Variants in DRC7 observed in about 807,000 individuals in gnomAD.
DRC7 encodes the protein coiled-coil domain containing 135.
DRC7 carries 80 observed loss-of-function variants against 104.4 expected under a neutral mutation model. That is an observed-to-expected ratio of 0.77 (90% CI 0.64 to 0.92). DRC7 has a LOEUF of 0.92. DRC7 is among the 40% of genes least tolerant of loss of function. The pLI is 0.00. For missense variants in DRC7, 1,034 were observed against 1,141.1 expected (o/e 0.91, Z 1.35); for synonymous variants, 405 against 447.3 (o/e 0.91, Z 1.19).
chr16:57,696,031 T>C (rs77786072), intron 1 of DRC7, among the ~76,000 whole-genome samples: 2,285 of 152,318 alleles, frequency 0.015, 55 homozygotes, highest in African/African-American at 0.051. Context: ...GGATTCTGCT[T>C]TTTTTCCTTA....
chr16:57,709,128 CAAAAA>C (rs10536559), intron 8 of DRC7, among the ~76,000 whole-genome samples: 7 of 107,624 alleles, frequency 6.5e-5, no homozygotes, highest in Admixed American at 9.6e-5. Context: ...GACTCTGTCT[CAAAAA>C]AAAAAAAAAA....
chr16:57,728,885 G>A (rs2049008418), intron 17 of DRC7, among the ~76,000 whole-genome samples: 1 of 151,540 alleles, frequency 6.6e-6, no homozygotes, highest in Admixed American at 6.6e-5. Context: ...TAGATAGATG[G>A]GTGGGTGGAT....
chr16:57,709,470 T>G (rs1024045914), intron 8 of DRC7, among the ~76,000 whole-genome samples: 1 of 152,178 alleles, frequency 6.6e-6, no homozygotes, highest in Non-Finnish European at 1.5e-5. Context: ...ACTGTAGGGT[T>G]TTTATAGCTA....
rs763810525 is a variant in DRC7 at position 57,722,695 on chromosome 16, A to C, written c.1280-18A>C. 4 of 1,613,254 alleles carry C rather than the reference A, an allele frequency of 2.5e-6. No individual in the cohort carries two copies. The highest frequency in any genetic ancestry group is 3.4e-6 in the Non-Finnish European group (4 of 1,179,916). On this transcript the variant is annotated intron_variant, in intron 10 of 18. Coordinates refer to ENST00000360716, the MANE Select transcript of DRC7 (RefSeq NM_001289162.2). ...CCCCAAACTAGCAAGAAGAGACCACAGCTGACTGTGTCCACAGCATTTGAG... is the reference window on the plus strand; with the variant it reads ...CCCCAAACTAGCAAGAAGAGACCACCGCTGACTGTGTCCACAGCATTTGAG...
chr16:57,704,298 C>T (rs1221828207), intron 6 of DRC7, among the ~76,000 whole-genome samples: 2 of 151,992 alleles, frequency 1.3e-5, no homozygotes, highest in African/African-American at 4.8e-5. Context: ...TATCACAGGC[C>T]CACCTCTGCA....
intron 8 of DRC7, among the ~76,000 whole-genome samples, chr16:57,716,334 C>G (rs1247464075): frequency 6.6e-6 from 1 of 151,916 alleles, no homozygotes; most frequent in Admixed American, 6.6e-5. Context: ...GAAACCCTAT[C>G]TCTACTAAAA....
chr16:57,703,860 G>A (rs1483238170), intron 6 of DRC7, among the ~76,000 whole-genome samples: 2 of 151,456 alleles, frequency 1.3e-5, no homozygotes, highest in African/African-American at 2.4e-5. Flanking sequence ...CCAGCTACTC[G>A]GGAGGCTGAG....
intron 7 of DRC7, among the ~76,000 whole-genome samples, chr16:57,705,683 CCATCCTCCCATTTATCCTCCCATCCAT>C (rs1458021786): frequency 1.4e-5 from 2 of 146,478 alleles, no homozygotes; most frequent in African/African-American, 2.5e-5. Context: ...ATCCATCCAT[CCATCCTCCCATTTATCCTCCCATCCAT>C]CATCCTCCCA....
chr16:57,727,767 C>T (rs2048989367), intron 16 of DRC7, among the ~76,000 whole-genome samples: 1 of 152,258 alleles, frequency 6.6e-6, no homozygotes, highest in Non-Finnish European at 1.5e-5. Context: ...TCCTGCTCTC[C>T]AGCACAGGGA....
intron 7 of DRC7, among the ~76,000 whole-genome samples, chr16:57,705,505 C>T (rs948884473): frequency 2.0e-4 from 30 of 148,838 alleles, no homozygotes; most frequent in Admixed American, 1.2e-3. Flanking sequence ...TCCTCCTACC[C>T]AACCTTCCAT....
At chr16:57,726,644 C>T (rs1162927252) in intron 14 of DRC7, 188 bp from the exon 15 acceptor site, 1 of 562,384 alleles carries the variant, frequency 1.8e-6, no homozygotes, top group African/African-American at 1.9e-5. Context: ...CCCAGCTTTT[C>T]TGAGTCTTCA....
rs1467710038 is a variant in DRC7, at chr16:57,726,420, A to T, written c.1974+137A>T. ...GGAAATTCATCTTTGCTCTTTGGGA[A>T]AACCAAAAGTTCCCATCTGGGGACC... On this transcript the variant is annotated intron_variant, in intron 14 of 18. Coordinates refer to ENST00000360716, the MANE Select transcript of DRC7 (RefSeq NM_001289162.2). 9.4e-6 allele frequency: 7 copies of T among 741,948 alleles called. 1 individual carries two copies. The highest frequency in any genetic ancestry group is 1.1e-5 in the Non-Finnish European group (5 of 451,256). 46.0% of individuals were successfully genotyped at this position (741,948 alleles called of 1,614,324 possible). A position where few individuals can be genotyped will look rare whatever the true frequency, so the allele number is the denominator to read the frequency against.
Position 57,731,006 on chromosome 16 carries a change from C to T in DRC7, c.2467C>T (p.Leu823=). ...QVTLTPEDED[L]YLSYCSQAMF... ...GACGCTGACACCCGAGGATGAAGAC[C>T]TGTACCTGAGTTACTGCTCTCAGGC... The change falls in exon 18 of 19, where the codon CTG becomes TTG. Residue 823 remains leucine, a synonymous_variant. Transcript: ENST00000360716. The T allele has an allele frequency of 6.2e-6, 10 of 1,613,654 alleles. No individual in the cohort carries two copies. Among genetic ancestry groups the T allele is most frequent in the Non-Finnish European group, 8.5e-6 (10 of 1,179,968 alleles).
At chr16:57,704,237 G>C (rs1326665762) in intron 6 of DRC7, among the ~76,000 whole-genome samples, 1 of 152,096 alleles carries the variant, frequency 6.6e-6, no homozygotes, top group Non-Finnish European at 1.5e-5. Flanking sequence ...CAGGAAAATG[G>C]AGACTCAGGG....
rs1185770356 is a variant in DRC7 at position 57,731,517 on chromosome 16, C to G, written c.*259C>G. The G allele has an allele frequency of 3.8e-6, 2 of 526,634 alleles. No individual in the cohort carries two copies. Among genetic ancestry groups the G allele is most frequent in the African/African-American group, 1.9e-5 (1 of 52,296 alleles). 32.6% of individuals were successfully genotyped at this position (526,634 alleles called of 1,614,324 possible). The stretch of plus-strand genomic sequence containing the variant: ...TTTCTCTTCTTCTGTTATCTATAGC[C>G]TGGGACCACCCCCTTCCTCCCCTTG... On this transcript the variant is annotated 3_prime_UTR_variant, in exon 19 of 19. Transcript: ENST00000360716.
At chr16:57,727,994 G>T (rs2048992088) in intron 16 of DRC7, among the ~76,000 whole-genome samples, 1 of 152,212 alleles carries the variant, frequency 6.6e-6, no homozygotes, top group African/African-American at 2.4e-5. Context: ...AGGCCCCAGG[G>T]TGGAAAAGAA....
intron 18 of DRC7, 41 bp downstream of exon 18, chr16:57,731,111 T>C (rs763144196): frequency 6.2e-7 from 1 of 1,613,686 alleles, no homozygotes; most frequent in South Asian, 1.1e-5. Context: ...ACTGGGAGGC[T>C]GGACCACCAG....
At chr16:57,726,310 G>T (rs778627181) in intron 14 of DRC7, 27 bp downstream of exon 14, 1 of 1,594,136 alleles carries the variant, frequency 6.3e-7, no homozygotes, top group South Asian at 1.1e-5. Context: ...CGGCGGGCAG[G>T]GGTCGGCTGC....
rs770372710 is a variant in DRC7, at chr16:57,699,000, C to T, written c.354C>T (p.His118=). Residue 118 remains histidine (H), a synonymous_variant, in exon 4 of 19, where the codon CAC becomes CAT. Coordinates refer to ENST00000360716, the MANE Select transcript of DRC7 (RefSeq NM_001289162.2). The part of the protein sequence containing the change: ...LCPDRVPLFL[H]PLNECEVPKF... The stretch of plus-strand genomic sequence containing the variant: ...CGGACCGCGTGCCCCTCTTCCTGCA[C>T]CCCCTGAACGAGTGTGAAGTGCCCG... 1.9e-5 allele frequency: 31 copies of T among 1,613,996 alleles called. No individual in the cohort carries two copies. The highest frequency in any genetic ancestry group is 4.0e-5 in the African/African-American group (3 of 74,940).
Sources: allele counts gnomAD v4.1 joint callset (sites outside exome capture counted in the v4.1 genomes callset), GRCh38; gene constraint gnomAD v4.1.1; transcripts MANE v1.5; gene names NCBI Gene and HGNC (gene_info 2026-07-23, HGNC 2026-07-21).